Variants in LRRFIP2 observed in about 807,000 individuals in gnomAD.
LRRFIP2 encodes the protein leucine-rich repeat flightless-interacting protein 2.
A neutral mutation model predicts 125.9 loss-of-function variants in LRRFIP2; 109 were observed. That is an observed-to-expected ratio of 0.87 (90% CI 0.74 to 1.01). The LOEUF (loss-of-function observed/expected upper bound fraction) is 1.01, where lower values mean the gene tolerates loss of function less well. Ranked by LOEUF, LRRFIP2 falls within the 50% of genes least tolerant of loss-of-function variation. The pLI is 0.00. For synonymous variants in LRRFIP2, 291 were observed against 293.1 expected, an observed-to-expected ratio of 0.99 and a Z score of 0.07; for missense variants, 850 against 862.3, an observed-to-expected ratio of 0.99 and a Z score of 0.18.
chr3:37,106,906 AT>A (rs34377493), intron 13 of LRRFIP2, among the ~76,000 whole-genome samples: 43 of 144,526 alleles, frequency 3.0e-4, no homozygotes, highest in Non-Finnish European at 2.3e-4. Flanking sequence ...GGAAATGACT[AT>A]TTTTTTTTTT....
intron 1 of LRRFIP2, among the ~76,000 whole-genome samples, chr3:37,151,629 G>A (rs111571440): frequency 0.034 from 4,850 of 144,776 alleles, 222 homozygotes; most frequent in African/African-American, 0.11. Context: ...ATGGAGTCTC[G>A]CTCTGTCACT....
At chr3:37,083,092 T>C (rs1324863367) in intron 19 of LRRFIP2, among the ~76,000 whole-genome samples, 1 of 152,186 alleles carries the variant, frequency 6.6e-6, no homozygotes, top group Non-Finnish European at 1.5e-5. Context: ...CCTTGGACAA[T>C]GCGTTATATT....
At chr3:37,104,490 T>C (rs1466505539) in intron 14 of LRRFIP2, among the ~76,000 whole-genome samples, 1 of 152,208 alleles carries the variant, frequency 6.6e-6, no homozygotes, top group Non-Finnish European at 1.5e-5. Flanking sequence ...GTAACAAATC[T>C]CTCCAACATT....
intron 24 of LRRFIP2, among the ~76,000 whole-genome samples, chr3:37,059,797 A>AATAAT (rs1553684242): frequency 4.7e-4 from 68 of 145,214 alleles, no homozygotes; most frequent in Admixed American, 9.0e-4. Context: ...AAAAAAAAAA[A>AATAAT]AATAATAATA....
chr3:37,166,422 TA>T (rs1041492630), intron 1 of LRRFIP2, among the ~76,000 whole-genome samples: 85 of 151,268 alleles, frequency 5.6e-4, no homozygotes, highest in African/African-American at 1.8e-3. Flanking sequence ...AACCACGGAA[TA>T]AAAAAAAATT....
At chr3:37,059,032 C>A (rs1311405863) in intron 24 of LRRFIP2, 122 bp from the exon 25 acceptor site, 1 of 1,282,884 alleles carries the variant, frequency 7.8e-7, no homozygotes, top group South Asian at 1.4e-5. Flanking sequence ...TCATTCAAAA[C>A]CTATTTTCTT....
chr3:37,143,021 G>A (rs1301516960), intron 2 of LRRFIP2, among the ~76,000 whole-genome samples: 3 of 152,066 alleles, frequency 2.0e-5, no homozygotes, highest in Non-Finnish European at 4.4e-5. Context: ...CGTGAGATCT[G>A]GCTGTCCCCC....
chr3:37,054,123 T>G (rs902681328), intron 27 of LRRFIP2, among the ~76,000 whole-genome samples, 162 bp from the exon 28 acceptor site: 1 of 152,250 alleles, frequency 6.6e-6, no homozygotes, highest in South Asian at 2.1e-4. Flanking sequence ...TAAATGATGA[T>G]ACTGAGGATT....
At chr3:37,098,388 C>CTTTTTTTTTTTTTT (rs200770177) in intron 15 of LRRFIP2, among the ~76,000 whole-genome samples, 3 of 142,942 alleles carry the variant, frequency 2.1e-5, no homozygotes, top group African/African-American at 2.5e-5. Context: ...AATTTTTTTT[C>CTTTTTTTTTTTTTT]TTTTTTTTCT....
intron 6 of LRRFIP2, among the ~76,000 whole-genome samples, chr3:37,117,839 AG>A (rs2094863116): frequency 6.6e-6 from 1 of 152,214 alleles, no homozygotes; most frequent in South Asian, 2.1e-4. Context: ...TACACACCAT[AG>A]TGTCTTTCCT....
chr3:37,082,005 A>C (rs2149031395), intron 19 of LRRFIP2, among the ~76,000 whole-genome samples: 1 of 152,282 alleles, frequency 6.6e-6, no homozygotes, highest in South Asian at 2.1e-4. Context: ...TAAAATAGCT[A>C]ATTATAAGGG....
At chr3:37,149,610 A>C (rs2095957850) in intron 1 of LRRFIP2, among the ~76,000 whole-genome samples, 1 of 152,232 alleles carries the variant, frequency 6.6e-6, no homozygotes. Flanking sequence ...ATTCAGCCTA[A>C]ACTTTTAGAA....
At position 37,065,820 on chromosome 3, in the gene LRRFIP2, T is replaced by C; in HGVS notation, c.1689A>G (p.Glu563=). Residue 563 remains glutamate (E), a synonymous_variant, in exon 23 of 28, where the codon GAA becomes GAG. Coordinates refer to ENST00000336686, the MANE Select transcript of LRRFIP2 (RefSeq NM_006309.4). ...CAACCAGTATCTTACCTAATGGCCCTTCTCCTGCTGACTCCAAGACCTGAG... is the reference window on the plus strand; with the variant it reads ...CAACCAGTATCTTACCTAATGGCCCCTCTCCTGCTGACTCCAAGACCTGAG... ...EAAQVLESAG[E]GPLDVRLRKL... 1.2e-6 allele frequency: 2 copies of C among 1,614,176 alleles called. No homozygotes were observed. Among genetic ancestry groups the C allele is most frequent in the Non-Finnish European group, 1.7e-6 (2 of 1,180,010 alleles).
At chr3:37,090,139 T>A (rs2149151601) in intron 18 of LRRFIP2, among the ~76,000 whole-genome samples, 1 of 152,354 alleles carries the variant, frequency 6.6e-6, no homozygotes, top group Middle Eastern at 3.4e-3. Context: ...CTATGCTTTG[T>A]CCTTTGGATA....
At chr3:37,172,489 G>C (rs1166657908) in intron 1 of LRRFIP2, among the ~76,000 whole-genome samples, 1 of 152,196 alleles carries the variant, frequency 6.6e-6, no homozygotes, top group Non-Finnish European at 1.5e-5. Flanking sequence ...GGTAAGGAAA[G>C]GCTGGGAGTT....
intron 6 of LRRFIP2, among the ~76,000 whole-genome samples, chr3:37,116,468 G>A (rs1685039803): frequency 6.6e-6 from 1 of 152,026 alleles, no homozygotes; most frequent in African/African-American, 2.4e-5. Context: ...TAAACTAGAA[G>A]AGAAAATATT....
chr3:37,137,761 A>T (rs1243727582), intron 2 of LRRFIP2, among the ~76,000 whole-genome samples: 1 of 152,164 alleles, frequency 6.6e-6, no homozygotes, highest in East Asian at 1.9e-4. Context: ...TTACATTTCT[A>T]ACATCTATCT....
chr3:37,132,888 T>C lies in LRRFIP2; in HGVS notation c.91-3739A>G, dbSNP rs570172101. ...TAATATACACCTCATACATACAAAA[T>C]AAATGGGATATAACAATAAAGGACA... On this transcript the variant is annotated intron_variant, in intron 2 of 27. Coordinates refer to ENST00000336686, the MANE Select transcript of LRRFIP2 (RefSeq NM_006309.4). Among the ~76,000 whole-genome samples, 48 of 152,168 alleles carry C rather than the reference T, an allele frequency of 3.2e-4. 1 individual carries two copies. Among genetic ancestry groups the C allele is most frequent in the East Asian group, 1.2e-3 (6 of 5,178 alleles).
At chr3:37,090,386 G>A (rs1311784695) in intron 18 of LRRFIP2, among the ~76,000 whole-genome samples, 1 of 151,990 alleles carries the variant, frequency 6.6e-6, no homozygotes, top group East Asian at 1.9e-4. Context: ...CTGCCACCAT[G>A]CCTGGTGAAT....
Sources: allele counts gnomAD v4.1 joint callset (sites outside exome capture counted in the v4.1 genomes callset), GRCh38; gene constraint gnomAD v4.1.1; transcripts MANE v1.5; gene names NCBI Gene and HGNC (gene_info 2026-07-23, HGNC 2026-07-21).